SSR4: variants seen among roughly 807,000 people sequenced by gnomAD.
SSR4 encodes the protein translocon-associated protein subunit delta.
For synonymous variants in SSR4, 84 were observed against 65.6 expected, an observed-to-expected ratio of 1.28 and a Z score of -1.35; for missense variants, 125 against 148.8, an observed-to-expected ratio of 0.84 and a Z score of 0.83.
chrX:153,797,405 TGCCCAC>T, intron 2 of SSR4, 47 bp from the exon 3 acceptor site: 1 of 1,113,013 alleles, frequency 9.0e-7, no homozygotes, highest in Non-Finnish European at 1.2e-6. Flanking sequence ...AGGGCTCCTC[TGCCCAC>T]ACCCAGAGGG....
intron 4 of SSR4, 48 bp from the exon 5 acceptor site, chrX:153,798,023 A>ACCCCC: frequency 5.7e-6 from 3 of 526,567 alleles, no homozygotes; most frequent in Non-Finnish European, 5.5e-6. Flanking sequence ...CCACCCCCAC[A>ACCCCC]CGCCAGGCAC....
upstream of SSR4, chrX:153,794,606 G>A (rs782695514): frequency 9.2e-6 from 11 of 1,199,905 alleles, no homozygotes; most frequent in East Asian, 2.4e-4. Flanking sequence ...GGCTGCCGCT[G>A]CCACTTACGC....
chrX:153,797,818 A>G lies in SSR4; in HGVS notation c.351+4A>G. ...GTCCTACAGCCTCCTCAGGAAGGTG[A>G]GGACTCCTGTAGCCCACTGTGCTCC... On this transcript the variant is annotated splice_donor_region_variant and intron_variant, in intron 4 of 5. Coordinates refer to ENST00000370086, the MANE Select transcript of SSR4 (RefSeq NM_006280.3). 8.4e-7 allele frequency: 1 copy of G among 1,188,913 alleles called. No individual in the cohort carries two copies. Among genetic ancestry groups the G allele is most frequent in the Non-Finnish European group, 1.1e-6 (1 of 879,696 alleles).
chrX:153,794,175 G>A (rs2092122625), upstream of SSR4: 2 of 1,089,339 alleles, frequency 1.8e-6, no homozygotes, highest in Non-Finnish European at 2.4e-6. Flanking sequence ...ACTCCAGACT[G>A]CTTCGGGTGC....
At chrX:153,794,290 C>G (rs2092123848), upstream of SSR4, 4 of 1,198,087 alleles carry the variant, frequency 3.3e-6, no homozygotes, top group South Asian at 7.1e-5. Context: ...ACCGCCTTCG[C>G]GGCGCTGCCG....
In SSR4 at chrX:153,798,412, G is replaced by C; in HGVS notation, c.501G>C (p.Ala167=). The change falls in exon 6 of 6, where the codon GCG becomes GCC. Residue 167 remains alanine, a synonymous_variant. Transcript: ENST00000370086. The part of the protein sequence containing the change: ...GLVIYYLAFS[A]KSHIQA ...TGATCTACTACTTGGCCTTCAGTGC[G>C]AAGAGCCACATCCAGGCCTGAGGGC... 8.4e-7 allele frequency: 1 copy of C among 1,193,320 alleles called. No individual in the cohort carries two copies. The highest frequency in any genetic ancestry group is 1.1e-6 in the Non-Finnish European group (1 of 886,183).
intron 1 of SSR4, chrX:153,795,134 A>G: frequency 5.0e-6 from 1 of 198,073 alleles, no homozygotes; most frequent in African/African-American, 2.9e-5. Context: ...CTAGGAAGGG[A>G]CCTCAGTGAG....
intron 5 of SSR4, 46 bp downstream of exon 5, chrX:153,798,182 T>C: frequency 8.4e-7 from 1 of 1,186,220 alleles, no homozygotes; most frequent in Non-Finnish European, 1.1e-6. Context: ...TTGGGCTGAG[T>C]GAAGGTTATC....
intron 2 of SSR4, chrX:153,796,965 C>T (rs781826938): frequency 1.9e-4 from 34 of 175,074 alleles, no homozygotes; most frequent in Non-Finnish European, 4.3e-5. Context: ...ACTGCAGCCT[C>T]CACCTCCCGG....
At chrX:153,794,320 G>T, upstream of SSR4, 1 of 1,196,239 alleles carries the variant, frequency 8.4e-7, no homozygotes. Flanking sequence ...GCTACCTTCA[G>T]CGCCATGACG....
At position 153,797,752 on chromosome X, in the gene SSR4, G is replaced by A. The variant is rs1156431337; in HGVS notation, c.289G>A (p.Ala97Thr). The A allele has an allele frequency of 9.1e-6, 11 of 1,208,976 alleles. No homozygotes were observed. The highest frequency in any genetic ancestry group is 1.8e-5 in the South Asian group (1 of 56,708). Reference protein sequence around the residue: ...QVSWSLDHKSAHAGTYEVRFF... With the variant: ...QVSWSLDHKSTHAGTYEVRFF... ...GTCCTGGAGCCTGGACCACAAGAGC[G>A]CCCACGCAGGCACCTATGAGGTTAG... The change falls in exon 4 of 6, where the codon GCC (alanine) becomes ACC (threonine). Residue 97 changes from alanine (A) to threonine (T), a missense_variant. Coordinates refer to ENST00000370086, the MANE Select transcript of SSR4 (RefSeq NM_006280.3).
At chrX:153,795,722 C>T (rs2092136126) in intron 1 of SSR4, 3 of 753,861 alleles carry the variant, frequency 4.0e-6, no homozygotes, top group African/African-American at 2.3e-5. Flanking sequence ...CTGAAGCCAT[C>T]GTTCTGCCAG....
At chrX:153,798,000 T>TGCCCACCCC in intron 4 of SSR4, 71 bp from the exon 5 acceptor site, 1 of 703,987 alleles carries the variant, frequency 1.4e-6, no homozygotes, top group Non-Finnish European at 2.3e-6. Context: ...TACCTGTCTT[T>TGCCCACCCC]CCCCTCCCCT....
At chrX:153,794,559 A>T, upstream of SSR4, 1 of 1,173,487 alleles carries the variant, frequency 8.5e-7, no homozygotes. Flanking sequence ...GCTGCCAGAG[A>T]CGTCACAATG....
intron 2 of SSR4, 189 bp downstream of exon 2, chrX:153,796,741 G>T (rs1557072634): frequency 2.3e-6 from 1 of 427,596 alleles, no homozygotes; most frequent in East Asian, 3.8e-5. Flanking sequence ...TTTGTGTGCT[G>T]TGCCTACACG....
intron 5 of SSR4, 37 bp from the exon 6 acceptor site, chrX:153,798,292 A>G: frequency 8.3e-7 from 1 of 1,198,553 alleles, no homozygotes; most frequent in Non-Finnish European, 1.1e-6. Context: ...GCTCACCTGT[A>G]CTCCCCTGAG....
rs782064222 is a variant in SSR4, at chrX:153,798,091, C to T, written c.372C>T (p.Asp124=). 1.7e-6 allele frequency: 2 copies of T among 1,208,187 alleles called. No homozygotes were observed. The highest frequency in any genetic ancestry group is 2.2e-6 in the Non-Finnish European group (2 of 894,307). Residue 124 remains aspartate, a synonymous_variant, in exon 5 of 6, where the codon GAC becomes GAT. Transcript: ENST00000370086. ...LLRKAQRNNE[D]ISIIPPLFTV... ...TGCAGGCTCAGAGGAATAACGAGGA[C>T]ATTTCCATCATCCCGCCTCTGTTTA...
chrX:153,796,615 G>A, intron 2 of SSR4, 63 bp downstream of exon 2: 1 of 844,599 alleles, frequency 1.2e-6, no homozygotes. Context: ...CTAGTTGATG[G>A]GGGACCTGTG....
At chrX:153,797,369 A>G (rs2092147936) in intron 2 of SSR4, 89 bp from the exon 3 acceptor site, 1 of 850,635 alleles carries the variant, frequency 1.2e-6, no homozygotes, top group African/African-American at 2.0e-5. Context: ...TAGCCTGCCC[A>G]CCTGCAGGCC....
Sources: allele counts gnomAD v4.1 joint callset, GRCh38; gene constraint gnomAD v4.1.1; transcripts MANE v1.5; gene names NCBI Gene and HGNC (gene_info 2026-07-23, HGNC 2026-07-21).